NID2: variants seen among roughly 807,000 people sequenced by gnomAD.
The protein encoded by NID2 is nidogen-2.
A neutral mutation model predicts 145.4 loss-of-function variants in NID2; 83 were observed. The ratio of observed to expected loss-of-function variants is 0.57; its 90% CI spans 0.48 to 0.69. NID2 has a LOEUF of 0.69. Ranked by LOEUF, NID2 falls within the 30% of genes least tolerant of loss-of-function variation. The pLI is 0.00. For missense variants in NID2, 1,807 were observed against 1,765.7 expected (o/e 1.02, Z -0.42); for synonymous variants, 739 against 701.3 (o/e 1.05, Z -0.85).
intron 3 of NID2, among the ~76,000 whole-genome samples, chr14:52,058,054 G>A (rs1892913115): frequency 6.6e-6 from 1 of 152,156 alleles, no homozygotes; most frequent in Admixed American, 6.5e-5. Flanking sequence ...TTTGTTTTAG[G>A]GAGAAACGAG....
chr14:52,055,526 C>T (rs536065594), intron 3 of NID2, among the ~76,000 whole-genome samples: 76 of 152,280 alleles, frequency 5.0e-4, no homozygotes, highest in Non-Finnish European at 1.0e-3. Context: ...AAACAGCTCT[C>T]TCGTTTTCTC....
At chr14:52,017,268 G>A (rs951828786) in intron 14 of NID2, among the ~76,000 whole-genome samples, 3 of 152,144 alleles carry the variant, frequency 2.0e-5, no homozygotes, top group Non-Finnish European at 4.4e-5. Flanking sequence ...CCTTTCATTC[G>A]TTACTATTTG....
intron 16 of NID2, among the ~76,000 whole-genome samples, chr14:52,014,010 G>T (rs892471234): frequency 2.6e-5 from 4 of 152,222 alleles, no homozygotes; most frequent in Non-Finnish European, 4.4e-5. Context: ...TCACCATACA[G>T]CCTCCATGTG....
intron 5 of NID2, among the ~76,000 whole-genome samples, chr14:52,053,358 AC>A (rs1566771019): frequency 1.3e-5 from 2 of 152,184 alleles, no homozygotes; most frequent in East Asian, 1.9e-4. Flanking sequence ...TTTTAAAAAA[AC>A]ATTATTAATG....
intron 5 of NID2, among the ~76,000 whole-genome samples, chr14:52,050,991 C>T (rs1427446879): frequency 6.6e-6 from 1 of 152,162 alleles, no homozygotes; most frequent in Non-Finnish European, 1.5e-5. Context: ...AACTTTTTGA[C>T]TTGACAACAA....
At position 52,014,532 on chromosome 14, in the gene NID2, A is replaced by T. The variant is rs939213490; in HGVS notation, c.3251-76T>A. 11 of 1,441,144 alleles carry T rather than the reference A, an allele frequency of 7.6e-6. No homozygotes were observed. The East Asian group carries it at 2.0e-4, about 26-fold the overall frequency. 89.3% of individuals were successfully genotyped at this position (1,441,144 alleles called of 1,614,324 possible). ...AGATGGGAAGAAAAGTTACTTTACC[A>T]CATACCAGAGCCTCCAAAAATATCA... On this transcript the variant is annotated intron_variant, in intron 15 of 21. Transcript: ENST00000216286.
chr14:52,016,378 G>T (rs1390267469), intron 14 of NID2, among the ~76,000 whole-genome samples: 2 of 152,096 alleles, frequency 1.3e-5, no homozygotes, highest in African/African-American at 4.8e-5. Flanking sequence ...ATGTATAATA[G>T]AAATCAGAAA....
rs761009847 is a variant in NID2 at position 52,060,176 on chromosome 14, C to T, written c.715G>A (p.Gly239Arg). 30 of 1,613,838 alleles carry T rather than the reference C, an allele frequency of 1.9e-5. No homozygotes were observed. The highest frequency in any genetic ancestry group is 2.5e-5 in the Non-Finnish European group (30 of 1,179,948). Reference sequence around the variant, plus strand: ...GTGCTAGTCAAGCTGAAATATGGTCCTTCTGACTTCAGATCATCAGCCTCC... The same window carrying T: ...GTGCTAGTCAAGCTGAAATATGGTCTTTCTGACTTCAGATCATCAGCCTCC... Reference protein sequence around the residue: ...RGEADDLKSEGPYFSLTSTEQ... With the variant: ...RGEADDLKSERPYFSLTSTEQ... Residue 239 changes from glycine to arginine, a missense_variant, in exon 3 of 22, where the codon GGA becomes AGA. By Grantham distance (125) the Gly-to-Arg change is moderately radical. Transcript: ENST00000216286.
At chr14:52,066,794 C>T (rs1263011098) in intron 2 of NID2, among the ~76,000 whole-genome samples, 2 of 152,096 alleles carry the variant, frequency 1.3e-5, no homozygotes, top group Non-Finnish European at 2.9e-5. Context: ...ATTTTAGATT[C>T]AGGTCTAATT....
intron 18 of NID2, 61 bp from the exon 19 acceptor site, chr14:52,008,028 T>TA (rs1431975020): frequency 7.2e-7 from 1 of 1,392,640 alleles, no homozygotes; most frequent in African/African-American, 1.4e-5. Flanking sequence ...AGGCAGCATC[T>TA]AAGCAGCCCC....
At chr14:52,064,757 G>A (rs1165110754) in intron 2 of NID2, among the ~76,000 whole-genome samples, 1 of 152,060 alleles carries the variant, frequency 6.6e-6, no homozygotes. Context: ...CTTCTCCTGG[G>A]TCATGTTTTT....
chr14:52,042,839 A>C lies in NID2; in HGVS notation c.1522T>G (p.Phe508Val). ...HAFCTDYATG[F>V]CCHCQSKFYG... ...AACTTGGATTGGCAGTGGCAGCAGAAGCCAGTGGCATAGTCCGTGCAGAAG... is the reference window on the plus strand; with the variant it reads ...AACTTGGATTGGCAGTGGCAGCAGACGCCAGTGGCATAGTCCGTGCAGAAG... The change falls in exon 6 of 22, where the codon TTC (phenylalanine) becomes GTC (valine). Residue 508 changes from phenylalanine to valine, a missense_variant. Phe to Val is a conservative substitution (Grantham distance 50). Coordinates refer to ENST00000216286, the MANE Select transcript of NID2 (RefSeq NM_007361.4). 1 of 1,614,200 alleles carries C rather than the reference A, an allele frequency of 6.2e-7. No homozygotes were observed. The highest frequency in any genetic ancestry group is 8.5e-7 in the Non-Finnish European group (1 of 1,180,018).
chr14:52,049,999 G>C (rs1174620961), intron 5 of NID2, among the ~76,000 whole-genome samples: 2 of 152,142 alleles, frequency 1.3e-5, no homozygotes, highest in Non-Finnish European at 2.9e-5. Flanking sequence ...TTCTTCTCAG[G>C]GTGGAAGTTG....
intron 12 of NID2, 151 bp downstream of exon 12, chr14:52,027,050 T>C: frequency 1.3e-6 from 1 of 754,850 alleles, no homozygotes; most frequent in Non-Finnish European, 1.9e-6. Context: ...CCTTTCTAAC[T>C]CAAAGGACGC....
intron 3 of NID2, among the ~76,000 whole-genome samples, chr14:52,058,894 G>A (rs527613360): frequency 3.9e-4 from 60 of 151,962 alleles, no homozygotes; most frequent in Non-Finnish European, 7.5e-4. Context: ...AACCAGAGGA[G>A]GGAGAGTAAG....
chr14:52,011,749 G>A, intron 16 of NID2, 66 bp from the exon 17 acceptor site: 1 of 1,588,698 alleles, frequency 6.3e-7, no homozygotes, highest in East Asian at 2.2e-5. Context: ...ACACTCAGCT[G>A]CCTTGCTCAT....
intron 15 of NID2, 150 bp from the exon 16 acceptor site, chr14:52,014,606 ATTCTAAT>A: frequency 1.2e-6 from 1 of 850,854 alleles, no homozygotes; most frequent in Non-Finnish European, 1.8e-6. Flanking sequence ...TTCAAAAGAA[ATTCTAAT>A]TTCTAGGGTT....
intron 9 of NID2, among the ~76,000 whole-genome samples, chr14:52,035,226 G>C (rs1310781969): frequency 6.6e-6 from 1 of 152,080 alleles, no homozygotes; most frequent in African/African-American, 2.4e-5. Context: ...ATATCATACA[G>C]AATAGTTTCA....
chr14:52,029,385 G>A (rs1891714973), intron 10 of NID2, among the ~76,000 whole-genome samples, 162 bp downstream of exon 10: 1 of 152,154 alleles, frequency 6.6e-6, no homozygotes, highest in African/African-American at 2.4e-5. Flanking sequence ...AAACAGCTAT[G>A]CTTTAATTTT....
Sources: gnomAD v4.1 joint callset for allele counts (sites outside exome capture counted in the v4.1 genomes callset) on GRCh38, gnomAD v4.1.1 for gene constraint, MANE v1.5 for transcripts, NCBI Gene and HGNC (gene_info 2026-07-23, HGNC 2026-07-21) for gene names.